Variants in NRXN3 observed in about 807,000 individuals in gnomAD.
NRXN3 encodes the protein neurexin III.
Under a neutral mutation model 137.6 loss-of-function variants are expected in NRXN3, and 32 were observed. That is an observed-to-expected ratio of 0.23 (90% CI 0.18 to 0.31). The LOEUF (loss-of-function observed/expected upper bound fraction) is 0.31. Among genes scored for constraint, NRXN3 ranks in the 10% least tolerant of loss-of-function variants. NRXN3 has a pLI of 1.00. For synonymous variants in NRXN3, 798 were observed against 784.5 expected (o/e 1.02, Z -0.29); for missense variants, 1,574 against 2,062.5 (o/e 0.76, Z 4.59).
chr14:79,809,385 CA>C, intron 20 of NRXN3, among the ~76,000 whole-genome samples: 1 of 152,270 alleles, frequency 6.6e-6, no homozygotes, highest in East Asian at 1.9e-4. Context: ...GTGATCCATC[CA>C]CTTCAGTCTC....
chr14:79,591,420 AGT>A (rs2097802273), intron 16 of NRXN3, among the ~76,000 whole-genome samples: 2 of 152,238 alleles, frequency 1.3e-5, no homozygotes, highest in Non-Finnish European at 2.9e-5. Context: ...CCGTACAAAG[AGT>A]TATTTTCTAT....
chr14:78,547,574 G>T (rs2096648674), intron 4 of NRXN3, among the ~76,000 whole-genome samples: 1 of 151,858 alleles, frequency 6.6e-6, no homozygotes, highest in South Asian at 2.1e-4. Context: ...TGGGACAATT[G>T]CCATGTTCAT....
intron 15 of NRXN3, among the ~76,000 whole-genome samples, chr14:79,030,215 A>G (rs932412597): frequency 6.6e-6 from 1 of 151,666 alleles, no homozygotes; most frequent in African/African-American, 2.4e-5. Context: ...CTTAGCCTCT[A>G]CATAGTAGAT....
At chr14:78,926,348 TTCTC>T (rs1459784741) in intron 10 of NRXN3, among the ~76,000 whole-genome samples, 1 of 151,970 alleles carries the variant, frequency 6.6e-6, no homozygotes, top group Non-Finnish European at 1.5e-5. Context: ...AATGTGGTCT[TTCTC>T]TCTTATATAT....
chr14:79,552,385 GT>G (rs1309051752), intron 16 of NRXN3, among the ~76,000 whole-genome samples: 18 of 152,256 alleles, frequency 1.2e-4, no homozygotes, highest in African/African-American at 3.8e-4. Flanking sequence ...AATTTGAGTA[GT>G]TACTTAAACC....
chr14:78,646,507 A>G (rs1359226666), intron 5 of NRXN3, among the ~76,000 whole-genome samples: 1 of 152,198 alleles, frequency 6.6e-6, no homozygotes, highest in Non-Finnish European at 1.5e-5. Context: ...AATGTCTTCT[A>G]ATGTCAATGT....
At chr14:78,552,949 G>A (rs1189567425) in intron 4 of NRXN3, among the ~76,000 whole-genome samples, 2 of 152,030 alleles carry the variant, frequency 1.3e-5, no homozygotes, top group Non-Finnish European at 2.9e-5. Flanking sequence ...TTATATCAAT[G>A]TATTAAATTA....
Position 79,660,522 on chromosome 14 carries a change from T to G in NRXN3, c.3445-3256T>G, listed in dbSNP as rs2153983811. On this transcript the variant is annotated intron_variant, in intron 16 of 20. Coordinates refer to ENST00000335750, the MANE Select transcript of NRXN3 (RefSeq NM_001330195.2). Reference sequence around the variant, plus strand: ...GGCACCTAAGATAAGGACCAAATATTTATTCTGGCAGAGATTAAATCTTTT... The same window carrying G: ...GGCACCTAAGATAAGGACCAAATATGTATTCTGGCAGAGATTAAATCTTTT... 2.0e-5 allele frequency among the ~76,000 whole-genome samples: 3 copies of G among 152,266 alleles called. No individual in the cohort carries two copies. The Middle Eastern group carries it at 0.01, about 518-fold the overall frequency.
At chr14:78,322,445 T>C (rs534404959) in intron 4 of NRXN3, among the ~76,000 whole-genome samples, 1 of 152,140 alleles carries the variant, frequency 6.6e-6, no homozygotes, top group South Asian at 2.1e-4. Flanking sequence ...TATTGTGTAA[T>C]GTTGTAGCCT....
chr14:79,582,879 G>A (rs1187002513), intron 16 of NRXN3, among the ~76,000 whole-genome samples: 2 of 152,194 alleles, frequency 1.3e-5, no homozygotes, highest in Non-Finnish European at 2.9e-5. Flanking sequence ...CTGGAAACCT[G>A]AGAAATAAAA....
intron 19 of NRXN3, among the ~76,000 whole-genome samples, chr14:79,801,036 G>T (rs559762529): frequency 6.6e-6 from 1 of 152,206 alleles, no homozygotes; most frequent in African/African-American, 2.4e-5. Flanking sequence ...TCTGTGGCAG[G>T]TGTGGCCAAT....
intron 15 of NRXN3, among the ~76,000 whole-genome samples, chr14:79,061,375 T>C (rs1231872817): frequency 6.6e-6 from 1 of 152,172 alleles, no homozygotes; most frequent in East Asian, 1.9e-4. Context: ...AGAGATCGTC[T>C]GAGAGTTCCT....
chr14:78,816,535 G>A (rs2098933815), intron 10 of NRXN3, among the ~76,000 whole-genome samples: 1 of 151,850 alleles, frequency 6.6e-6, no homozygotes, highest in South Asian at 2.1e-4. Context: ...CATTTTAGGG[G>A]GGTGCTATAT....
intron 10 of NRXN3, among the ~76,000 whole-genome samples, chr14:78,954,379 CT>C (rs199634587): frequency 3.3e-5 from 5 of 151,510 alleles, no homozygotes; most frequent in Middle Eastern, 3.4e-3. Flanking sequence ...GGATGTGAAT[CT>C]TTTTTTTTCT....
intron 8 of NRXN3, among the ~76,000 whole-genome samples, chr14:78,796,146 A>G (rs1403536837): frequency 1.3e-5 from 2 of 152,198 alleles, no homozygotes. Flanking sequence ...GCCCCCGTTT[A>G]TAGGGTATAA....
At chr14:78,801,524 T>C (rs934305892) in intron 8 of NRXN3, among the ~76,000 whole-genome samples, 4 of 152,128 alleles carry the variant, frequency 2.6e-5, no homozygotes, top group Admixed American at 1.3e-4. Context: ...CATCAGATAG[T>C]GTGAGAACTC....
intron 4 of NRXN3, among the ~76,000 whole-genome samples, chr14:78,522,309 C>A (rs540656318): frequency 2.0e-5 from 3 of 152,160 alleles, no homozygotes; most frequent in Non-Finnish European, 4.4e-5. Flanking sequence ...TGTTACATAA[C>A]CATGATATGT....
chr14:79,329,508 G>A (rs919181261), intron 15 of NRXN3, among the ~76,000 whole-genome samples: 19 of 152,304 alleles, frequency 1.2e-4, no homozygotes, highest in African/African-American at 3.6e-4. Context: ...TATGGTCTCT[G>A]TCTCAAGTAT....
intron 8 of NRXN3, among the ~76,000 whole-genome samples, chr14:78,760,446 G>C (rs1276559481): frequency 1.3e-5 from 2 of 148,636 alleles, no homozygotes; most frequent in Non-Finnish European, 3.0e-5. Flanking sequence ...TATATATAGC[G>C]AATGAATAAA....
Sources: gnomAD v4.1 joint callset for allele counts (sites outside exome capture counted in the v4.1 genomes callset) on GRCh38, gnomAD v4.1.1 for gene constraint, MANE v1.5 for transcripts, NCBI Gene and HGNC (gene_info 2026-07-23, HGNC 2026-07-21) for gene names.